Variants in KDM1A observed in about 807,000 individuals in gnomAD.
The protein encoded by KDM1A is lysine-specific histone demethylase 1A.
KDM1A carries 49 observed loss-of-function variants against 109.4 expected under a neutral mutation model. The ratio of observed to expected loss-of-function variants is 0.45; its 90% CI spans 0.36 to 0.57. KDM1A has a LOEUF of 0.57. Ranked by LOEUF, KDM1A falls within the 20% of genes least tolerant of loss-of-function variation. KDM1A has a pLI of 0.00. For missense variants in KDM1A, 668 were observed against 1,116.6 expected, an observed-to-expected ratio of 0.60 and a Z score of 5.73; for synonymous variants, 380 against 415.4, an observed-to-expected ratio of 0.91 and a Z score of 1.04.
intron 2 of KDM1A, chr1:23,044,194 T>C (rs1278877082): frequency 2.2e-6 from 1 of 449,332 alleles, no homozygotes; most frequent in African/African-American, 2.0e-5. Context: ...ACTATGTACT[T>C]TGTTCCACTG....
chr1:23,026,010 GA>G (rs1165233500), intron 1 of KDM1A, among the ~76,000 whole-genome samples: 2 of 152,176 alleles, frequency 1.3e-5, no homozygotes, highest in African/African-American at 4.8e-5. Flanking sequence ...GGAATCACTT[GA>G]GCCTGGGAGG....
Position 23,077,247 on chromosome 1 carries a change from C to T in KDM1A, c.1754C>T (p.Thr585Ile), listed in dbSNP as rs1161250372. ...HWDQDDDFEF[T>I]GSHLTVRNGY... ...CTTTAGGATGATGACTTTGAGTTCACTGGCAGCCACCTGACAGTAAGGAAT... is the reference window on the plus strand; with the variant it reads ...CTTTAGGATGATGACTTTGAGTTCATTGGCAGCCACCTGACAGTAAGGAAT... Residue 585 changes from threonine to isoleucine, a missense_variant, in exon 16 of 21, where the codon ACT (threonine) becomes ATT (isoleucine). Transcript: ENST00000400181. 1.2e-6 allele frequency: 2 copies of T among 1,613,922 alleles called. No homozygotes were observed. The highest frequency in any genetic ancestry group is 1.3e-5 in the African/African-American group (1 of 75,050).
At chr1:23,063,204 G>GT (rs1643054458) in intron 9 of KDM1A, among the ~76,000 whole-genome samples, 1 of 80,566 alleles carries the variant, frequency 1.2e-5, no homozygotes, top group South Asian at 3.3e-4. Context: ...ATTGGGGGGG[G>GT]GGTGTGGTGT....
At chr1:23,081,897 G>A (rs962182729) in intron 19 of KDM1A, 22 of 416,662 alleles carry the variant, frequency 5.3e-5, no homozygotes, top group African/African-American at 3.0e-4. Flanking sequence ...GTACTTTTTC[G>A]TGTTCTTTGA....
chr1:23,056,199 T>C (rs894738203), intron 7 of KDM1A, among the ~76,000 whole-genome samples, 161 bp downstream of exon 7: 2 of 150,708 alleles, frequency 1.3e-5, no homozygotes, highest in African/African-American at 4.9e-5. Flanking sequence ...TTAAAAAGCT[T>C]TTTTTTTTAA....
chr1:23,032,729 A>G (rs1194689955), intron 2 of KDM1A, among the ~76,000 whole-genome samples: 1 of 152,194 alleles, frequency 6.6e-6, no homozygotes, highest in Non-Finnish European at 1.5e-5. Context: ...TAGTTTAGCA[A>G]TAGATTGGAC....
intron 2 of KDM1A, among the ~76,000 whole-genome samples, chr1:23,036,971 C>G (rs1391017450): frequency 6.6e-6 from 1 of 152,094 alleles, no homozygotes; most frequent in Non-Finnish European, 1.5e-5. Context: ...AAGAGTACAT[C>G]CACCTGCAAA....
chr1:23,048,222 T>G (rs1361878447), intron 3 of KDM1A, among the ~76,000 whole-genome samples: 3 of 151,826 alleles, frequency 2.0e-5, no homozygotes, highest in African/African-American at 7.3e-5. Context: ...CTTTATAATG[T>G]GAGTTATTTT....
At chr1:23,026,398 T>G (rs10695106) in intron 1 of KDM1A, among the ~76,000 whole-genome samples, 11 of 66,798 alleles carry the variant, frequency 1.6e-4, no homozygotes, top group East Asian at 5.4e-4. Flanking sequence ...CTGTTTGTTT[T>G]TTTTTTTTTG....
chr1:23,020,715 C>A (rs1254299525), intron 1 of KDM1A, among the ~76,000 whole-genome samples: 2 of 152,168 alleles, frequency 1.3e-5, no homozygotes, highest in Non-Finnish European at 2.9e-5. Context: ...TGTTAAATAT[C>A]AACGGGCAGG....
At chr1:23,043,204 C>A (rs1642403784) in intron 2 of KDM1A, among the ~76,000 whole-genome samples, 1 of 152,154 alleles carries the variant, frequency 6.6e-6, no homozygotes, top group South Asian at 2.1e-4. Flanking sequence ...TGATTGTATG[C>A]CTTTTTCCAA....
At chr1:23,070,095 G>A (rs1355085600) in intron 12 of KDM1A, among the ~76,000 whole-genome samples, 4 of 152,254 alleles carry the variant, frequency 2.6e-5, no homozygotes, top group Admixed American at 6.5e-5. Flanking sequence ...TACCTGTAGG[G>A]TGGCCCAGTC....
At chr1:23,073,481 G>C (rs1267943614) in intron 15 of KDM1A, 78 bp downstream of exon 15, 1 of 821,470 alleles carries the variant, frequency 1.2e-6, no homozygotes, top group African/African-American at 1.7e-5. Context: ...TTTTGTATGT[G>C]TGTTTTTAAA....
intron 3 of KDM1A, among the ~76,000 whole-genome samples, chr1:23,046,160 C>A (rs897925814): frequency 2.6e-5 from 4 of 152,148 alleles, no homozygotes; most frequent in African/African-American, 9.7e-5. Flanking sequence ...CAGCAATACA[C>A]CAGCAGTTCT....
At chr1:23,027,846 G>A (rs1267767412) in intron 1 of KDM1A, among the ~76,000 whole-genome samples, 1 of 151,584 alleles carries the variant, frequency 6.6e-6, no homozygotes, top group African/African-American at 2.4e-5. Flanking sequence ...CAAGTTAATT[G>A]TGTTGGTTGT....
Position 23,073,276 on chromosome 1 carries a change from C to G in KDM1A, c.1623-16C>G, listed in dbSNP as rs1340909788. ...GATATCTTTTAATAATCCTGTAGTC[C>G]TTTGTTCTTTTGCAGTGATGTATAT... On this transcript the variant is annotated splice_polypyrimidine_tract_variant and intron_variant, in intron 14 of 20. Coordinates refer to ENST00000400181, the MANE Select transcript of KDM1A (RefSeq NM_001009999.3). The G allele has an allele frequency of 1.5e-6, 2 of 1,318,790 alleles. No individual in the cohort carries two copies. The highest frequency in any genetic ancestry group is 1.2e-5 in the South Asian group (1 of 84,652). The allele number at this position is 1,318,790 out of a possible 1,614,324, so 81.7% of individuals were successfully genotyped here.
At chr1:23,030,343 C>T in intron 1 of KDM1A, 126 bp from the exon 2 acceptor site, 1 of 647,994 alleles carries the variant, frequency 1.5e-6, no homozygotes, top group Non-Finnish European at 2.4e-6. Context: ...TGCCTTGTTC[C>T]TTGTTGTATG....
At chr1:23,054,929 A>G in intron 5 of KDM1A, 140 bp from the exon 6 acceptor site, 1 of 588,872 alleles carries the variant, frequency 1.7e-6, no homozygotes, top group Admixed American at 2.8e-5. Context: ...GCCCAGCCTT[A>G]GAATTACTTT....
chr1:23,028,774 G>A (rs541199799), intron 1 of KDM1A, among the ~76,000 whole-genome samples: 1 of 151,938 alleles, frequency 6.6e-6, no homozygotes, highest in South Asian at 2.1e-4. Flanking sequence ...CAGTCAGTTA[G>A]GATAAAGTTT....
Sources: allele counts gnomAD v4.1 joint callset (sites outside exome capture counted in the v4.1 genomes callset), GRCh38; gene constraint gnomAD v4.1.1; transcripts MANE v1.5; gene names NCBI Gene and HGNC (gene_info 2026-07-23, HGNC 2026-07-21).